Variants in SORCS2 observed in about 807,000 individuals in gnomAD.
The protein encoded by SORCS2 is VPS10 domain-containing receptor SorCS2.
A neutral mutation model predicts 141.6 loss-of-function variants in SORCS2; 100 were observed. The ratio of observed to expected loss-of-function variants is 0.71; its 90% confidence interval spans 0.60 to 0.83. The LOEUF (loss-of-function observed/expected upper bound fraction) is 0.83, where lower values mean the gene tolerates loss of function less well. Among genes scored for constraint, SORCS2 ranks in the 40% least tolerant of loss-of-function variants. SORCS2 has a pLI of 0.00. For synonymous variants in SORCS2, 789 were observed against 676.9 expected (o/e 1.17, Z -2.57); for missense variants, 1,646 against 1,560.2 (o/e 1.05, Z -0.93).
At chr4:7,653,689 C>T (rs1412824101) in intron 4 of SORCS2, among the ~76,000 whole-genome samples, 2 of 152,168 alleles carry the variant, frequency 1.3e-5, no homozygotes, top group African/African-American at 4.8e-5. Context: ...AGCCCACCTG[C>T]GCCTGCACTG....
At chr4:7,241,797 C>A (rs1002542217) in intron 1 of SORCS2, among the ~76,000 whole-genome samples, 1 of 152,188 alleles carries the variant, frequency 6.6e-6, no homozygotes, top group Admixed American at 6.5e-5. Flanking sequence ...TGCAGAGCGA[C>A]TGAGTGAGCA....
chr4:7,389,564 A>C (rs1021369700), intron 1 of SORCS2, among the ~76,000 whole-genome samples: 2 of 152,154 alleles, frequency 1.3e-5, no homozygotes, highest in Non-Finnish European at 2.9e-5. Flanking sequence ...AGCAATGATC[A>C]TTCTGACACT....
intron 1 of SORCS2, among the ~76,000 whole-genome samples, chr4:7,217,022 C>G (rs552433944): frequency 2.0e-5 from 3 of 152,360 alleles, no homozygotes; most frequent in African/African-American, 7.2e-5. Flanking sequence ...ATCCTCCGAC[C>G]GCACTACAGC....
chr4:7,631,050 T>TC (rs1286451486), intron 3 of SORCS2, among the ~76,000 whole-genome samples: 1 of 59,002 alleles, frequency 1.7e-5, no homozygotes, highest in Non-Finnish European at 4.7e-5. Context: ...TCCTTTTCTT[T>TC]TTTTTTTTTT....
In SORCS2 at chr4:7,380,635, C is replaced by T. The variant is rs148874518; in HGVS notation, c.481-15653C>T. ...CGTGGCTAGACTGCCTGTGGCAGCC[C>T]CCTCGTTCCTCCTTAATAAAGTCAG... is the stretch of plus-strand genomic sequence containing the variant. On this transcript the variant is annotated intron_variant, in intron 1 of 26. Transcript: ENST00000507866. Among the ~76,000 whole-genome samples the T allele has an allele frequency of 2.4e-3, 359 of 152,352 alleles. 4 individuals are homozygous for T. Among genetic ancestry groups the T allele is most frequent in the African/African-American group, 8.1e-3 (338 of 41,576 alleles).
At chr4:7,513,985 T>G (rs936391293) in intron 2 of SORCS2, among the ~76,000 whole-genome samples, 2 of 152,148 alleles carry the variant, frequency 1.3e-5, no homozygotes, top group African/African-American at 2.4e-5. Context: ...CCCCGTACTT[T>G]TACTGTCATT....
chr4:7,424,205 A>C (rs552090200), intron 2 of SORCS2, among the ~76,000 whole-genome samples: 1 of 152,256 alleles, frequency 6.6e-6, no homozygotes, highest in African/African-American at 2.4e-5. Context: ...CTCTGCTGTC[A>C]TTAGCTGTGT....
chr4:7,655,920 A>C (rs10018330), intron 5 of SORCS2, among the ~76,000 whole-genome samples: 9,012 of 152,238 alleles, frequency 0.059, 388 homozygotes, highest in African/African-American at 0.12. Context: ...CGATAATTCA[A>C]ACGTGTTATT....
intron 23 of SORCS2, among the ~76,000 whole-genome samples, chr4:7,732,645 C>T (rs532543227): frequency 1.2e-3 from 186 of 152,212 alleles, no homozygotes; most frequent in Middle Eastern, 3.4e-3. Context: ...CTTGGTCTTC[C>T]GCCTCCAGGA....
chr4:7,673,008 CAT>C (rs1722882382), intron 8 of SORCS2, among the ~76,000 whole-genome samples: 1 of 152,238 alleles, frequency 6.6e-6, no homozygotes, highest in Non-Finnish European at 1.5e-5. Flanking sequence ...TGTACAATCA[CAT>C]ATACTATATG....
Position 7,416,703 on chromosome 4 carries a change from C to G in SORCS2, c.548+20348C>G, listed in dbSNP as rs1725704123. On this transcript the variant is annotated intron_variant, in intron 2 of 26. Coordinates refer to ENST00000507866, the MANE Select transcript of SORCS2 (RefSeq NM_020777.3). ...ACTCAGACACGCATGCATGCACTCA[C>G]TCACACTTGTGCACACACTCAGACA... is the stretch of plus-strand genomic sequence containing the variant. Among the ~76,000 whole-genome samples, 4 of 138,718 alleles carry G rather than the reference C, an allele frequency of 2.9e-5. No individual in the cohort carries two copies. The South Asian group carries it at 1.0e-3, about 35-fold the overall frequency. 91.0% of individuals were successfully genotyped at this position (138,718 alleles called of 152,430 possible).
At chr4:7,276,972 G>A (rs965083528) in intron 1 of SORCS2, among the ~76,000 whole-genome samples, 14 of 152,190 alleles carry the variant, frequency 9.2e-5, no homozygotes, top group Non-Finnish European at 1.8e-4. Context: ...GGGCCGTTCT[G>A]TCCACACTAG....
At chr4:7,559,917 T>A (rs2109667167) in intron 3 of SORCS2, among the ~76,000 whole-genome samples, 1 of 152,332 alleles carries the variant, frequency 6.6e-6, no homozygotes, top group Non-Finnish European at 1.5e-5. Flanking sequence ...AGCCAGGCGC[T>A]ATGGAGTTGA....
At chr4:7,433,206 C>G in intron 2 of SORCS2, 1 of 1,201,342 alleles carries the variant, frequency 8.3e-7, no homozygotes, top group Non-Finnish European at 1.1e-6. Flanking sequence ...TCTGCTCCTT[C>G]CCAGCCTCCC....
intron 2 of SORCS2, among the ~76,000 whole-genome samples, chr4:7,465,589 T>C (rs4689126): frequency 0.69 from 104,292 of 152,104 alleles, 36,019 homozygotes; most frequent in East Asian, 0.74. Flanking sequence ...TGGAGATATG[T>C]GTGCACTTTT....
intron 22 of SORCS2, among the ~76,000 whole-genome samples, chr4:7,728,950 T>C (rs531514198): frequency 6.6e-6 from 1 of 152,322 alleles, no homozygotes; most frequent in South Asian, 2.1e-4. Flanking sequence ...ACCAGTCCTC[T>C]GGAGCCACCT....
chr4:7,709,986 C>G (rs887573278), intron 14 of SORCS2, among the ~76,000 whole-genome samples: 1 of 152,198 alleles, frequency 6.6e-6, no homozygotes, highest in Non-Finnish European at 1.5e-5. Context: ...CACCTCTTTC[C>G]TAAGACCCAG....
chr4:7,383,419 GC>G (rs1723110773), intron 1 of SORCS2, among the ~76,000 whole-genome samples: 1 of 152,150 alleles, frequency 6.6e-6, no homozygotes, highest in Non-Finnish European at 1.5e-5. Context: ...CTTCCTTTGT[GC>G]CTGGCACCTC....
chr4:7,209,860 T>C (rs1193009030), intron 1 of SORCS2, among the ~76,000 whole-genome samples: 1 of 152,178 alleles, frequency 6.6e-6, no homozygotes, highest in Non-Finnish European at 1.5e-5. Flanking sequence ...AGAGAGCATT[T>C]TGGGAGGTGT....
Sources: allele counts gnomAD v4.1 joint callset (sites outside exome capture counted in the v4.1 genomes callset), GRCh38; gene constraint gnomAD v4.1.1; transcripts MANE v1.5; gene names NCBI Gene and HGNC (gene_info 2026-07-23, HGNC 2026-07-21).